ASCC3: variants seen among roughly 807,000 people sequenced by gnomAD.
The protein encoded by ASCC3 is ASC-1 complex subunit P200.
A neutral mutation model predicts 256.3 loss-of-function variants in ASCC3; 158 were observed. That is an observed-to-expected ratio of 0.62 (90% CI 0.54 to 0.70). The LOEUF (loss-of-function observed/expected upper bound fraction) is 0.70, where lower values mean the gene tolerates loss of function less well. Among genes scored for constraint, ASCC3 ranks in the 30% least tolerant of loss-of-function variants. The probability of loss-of-function intolerance (pLI) is 0.00; values close to 1 mark genes in which losing one functional copy is unlikely to be tolerated. For synonymous variants in ASCC3, 948 were observed against 883.4 expected (o/e 1.07, Z -1.30); for missense variants, 2,259 against 2,626.0 (o/e 0.86, Z 3.05).
chr6:100,709,936 C>A (rs1327003079), intron 13 of ASCC3, among the ~76,000 whole-genome samples: 2 of 152,032 alleles, frequency 1.3e-5, no homozygotes, highest in African/African-American at 4.8e-5. Context: ...GTAGGTATTT[C>A]TACAAAACCT....
At chr6:100,672,340 A>C (rs559477808) in intron 14 of ASCC3, among the ~76,000 whole-genome samples, 1 of 152,152 alleles carries the variant, frequency 6.6e-6, no homozygotes, top group African/African-American at 2.4e-5. Context: ...TCTACATATA[A>C]TATCTGGTCT....
chr6:100,874,325 G>A (rs1275089732), intron 1 of ASCC3, among the ~76,000 whole-genome samples: 1 of 151,970 alleles, frequency 6.6e-6, no homozygotes, highest in African/African-American at 2.4e-5. Context: ...AATTAGTTGG[G>A]CGTGGTGGTG....
intron 37 of ASCC3, among the ~76,000 whole-genome samples, chr6:100,520,892 T>C (rs1162662715): frequency 6.6e-6 from 1 of 152,204 alleles, no homozygotes; most frequent in African/African-American, 2.4e-5. Context: ...GTATTTTTCC[T>C]GTGCCTCTGC....
chr6:100,827,839 C>T (rs927072063), intron 4 of ASCC3, among the ~76,000 whole-genome samples: 1 of 151,614 alleles, frequency 6.6e-6, no homozygotes, highest in African/African-American at 2.4e-5. Context: ...ATTTTTTTCA[C>T]TTTGTGTCTA....
At chr6:100,664,862 A>G (rs1776390420) in intron 14 of ASCC3, among the ~76,000 whole-genome samples, 1 of 152,210 alleles carries the variant, frequency 6.6e-6, no homozygotes, top group Non-Finnish European at 1.5e-5. Flanking sequence ...AAGCCAACAG[A>G]GGAAACTAAA....
chr6:100,575,788 A>G (rs1373885781), intron 36 of ASCC3, among the ~76,000 whole-genome samples: 1 of 146,850 alleles, frequency 6.8e-6, no homozygotes, highest in African/African-American at 2.7e-5. Context: ...AATTGTCAAT[A>G]TTATAGCAGC....
Position 100,798,800 on chromosome 6 carries a change from C to G in ASCC3, c.1308G>C (p.Lys436Asn). Residue 436 changes from lysine to asparagine, a missense_variant, in exon 8 of 42, where the codon AAG becomes AAC. This residue lies in a region of ASCC3 where 1,839 missense variants were observed against 2,206.7 expected (regional missense o/e 0.83). Coordinates refer to ENST00000369162, the MANE Select transcript of ASCC3 (RefSeq NM_006828.4). ...LPEGIQRENN[K>N]LYEEVRIPYS... The stretch of plus-strand genomic sequence containing the variant: ...AGGGAATCCTTACTTCTTCATAAAG[C>G]TTGTTATTCTCTCTTTGGATTCCTT... The G allele has an allele frequency of 6.2e-7, 1 of 1,612,852 alleles. No homozygotes were observed.
At chr6:100,660,711 C>T (rs1484470930) in intron 16 of ASCC3, among the ~76,000 whole-genome samples, 2 of 151,612 alleles carry the variant, frequency 1.3e-5, no homozygotes, top group South Asian at 2.1e-4. Context: ...ACTCACTTCA[C>T]CTAAAAGTCC....
Position 100,530,301 on chromosome 6 carries a change from AG to A in ASCC3, c.5775+9861del. ...ATGAACAAGTTGAAATCATCGCAGA[AG>A]GATAAAGTTTGTCAGTTTATGATCT... On this transcript the variant is annotated intron_variant, in intron 37 of 41. Coordinates refer to ENST00000369162, the MANE Select transcript of ASCC3 (RefSeq NM_006828.4). 9 of 1,430,834 alleles carry A rather than the reference AG, an allele frequency of 6.3e-6. 1 individual carries two copies. The highest frequency in any genetic ancestry group is 8.9e-6 in the Non-Finnish European group (9 of 1,014,942). The allele number at this position is 1,430,834 out of a possible 1,614,324, so 88.6% of individuals were successfully genotyped here. A position where few individuals can be genotyped will look rare whatever the true frequency, so the allele number is the denominator to read the frequency against.
intron 11 of ASCC3, among the ~76,000 whole-genome samples, chr6:100,719,098 G>A (rs1779207870): frequency 6.6e-6 from 1 of 151,992 alleles, no homozygotes; most frequent in Admixed American, 6.6e-5. Flanking sequence ...GTAGGCACTA[G>A]GGATGCAGTG....
intron 19 of ASCC3, 45 bp from the exon 20 acceptor site, chr6:100,650,759 T>C (rs1385480092): frequency 6.7e-7 from 1 of 1,489,750 alleles, no homozygotes; most frequent in African/African-American, 1.4e-5. Context: ...GCTGATTTAT[T>C]TAAATTTTTC....
chr6:100,677,319 A>T (rs976609873), intron 14 of ASCC3, among the ~76,000 whole-genome samples: 1 of 148,670 alleles, frequency 6.7e-6, no homozygotes, highest in Non-Finnish European at 1.5e-5. Context: ...GGTTGAAGAA[A>T]TGTTCTTCTA....
intron 34 of ASCC3, among the ~76,000 whole-genome samples, chr6:100,598,786 T>C (rs1056345190): frequency 2.6e-5 from 4 of 152,222 alleles, no homozygotes; most frequent in Non-Finnish European, 4.4e-5. Context: ...ATTCTGTGTC[T>C]GCTAACTAAA....
chr6:100,714,834 C>T (rs1779015250), intron 13 of ASCC3, among the ~76,000 whole-genome samples: 1 of 151,950 alleles, frequency 6.6e-6, no homozygotes, highest in Admixed American at 6.6e-5. Context: ...CTCTCAAGTT[C>T]AAATCATCTT....
At chr6:100,768,597 C>T (rs1485257220) in intron 8 of ASCC3, among the ~76,000 whole-genome samples, 2 of 152,102 alleles carry the variant, frequency 1.3e-5, no homozygotes, top group African/African-American at 2.4e-5. Flanking sequence ...AAACTGAAGA[C>T]ATGCAAAGGG....
intron 5 of ASCC3, among the ~76,000 whole-genome samples, chr6:100,803,739 G>C (rs545834272): frequency 1.3e-5 from 2 of 152,170 alleles, no homozygotes; most frequent in South Asian, 4.2e-4. Context: ...GTAATCAAGA[G>C]AATCTGTAAG....
intron 10 of ASCC3, 124 bp from the exon 11 acceptor site, chr6:100,725,827 G>C: frequency 3.2e-6 from 3 of 929,106 alleles, no homozygotes; most frequent in Non-Finnish European, 5.0e-6. Flanking sequence ...GTTTAGAATA[G>C]CCTAGAATTA....
intron 3 of ASCC3, among the ~76,000 whole-genome samples, chr6:100,862,662 G>A (rs1389991580): frequency 6.6e-6 from 1 of 152,104 alleles, no homozygotes; most frequent in Non-Finnish European, 1.5e-5. Flanking sequence ...AATATTGTGG[G>A]TTCTAGTATA....
chr6:100,865,249 T>TA (rs1773422504), intron 2 of ASCC3, among the ~76,000 whole-genome samples: 1 of 152,144 alleles, frequency 6.6e-6, no homozygotes, highest in Admixed American at 6.5e-5. Flanking sequence ...GCTTCTGACA[T>TA]AAAAAGTTAT....
Sources: allele counts gnomAD v4.1 joint callset (sites outside exome capture counted in the v4.1 genomes callset), GRCh38; gene constraint gnomAD v4.1.1; regional missense constraint gnomAD v4.1.1; transcripts MANE v1.5; gene names NCBI Gene and HGNC (gene_info 2026-07-23, HGNC 2026-07-21).